The following IMMP2L variants were observed in gnomAD, a reference collection of about 807,000 sequenced individuals.
IMMP2L encodes inner mitochondrial membrane peptidase subunit 2, also known as mitochondrial inner membrane protease subunit 2.
Under a neutral mutation model 19.3 loss-of-function variants are expected in IMMP2L, and 18 were observed. The ratio of observed to expected loss-of-function variants is 0.93; its 90% CI spans 0.64 to 1.38. The LOEUF is 1.38. Among genes scored for constraint, IMMP2L ranks in the 40% most tolerant of loss-of-function variants. The pLI is 0.00. For missense variants in IMMP2L, 233 were observed against 218.2 expected (o/e 1.07, Z -0.43); for synonymous variants, 76 against 73.0 (o/e 1.04, Z -0.21).
chr7:110,919,723 T>G (rs577019936), intron 4 of IMMP2L, among the ~76,000 whole-genome samples: 2 of 152,208 alleles, frequency 1.3e-5, no homozygotes, highest in South Asian at 2.1e-4. Flanking sequence ...GCTAAGGCAT[T>G]AGGGAAGATA....
At chr7:110,878,574 T>C (rs1420880241) in intron 5 of IMMP2L, among the ~76,000 whole-genome samples, 1 of 152,084 alleles carries the variant, frequency 6.6e-6, no homozygotes, top group Non-Finnish European at 1.5e-5. Flanking sequence ...TTAAATTATC[T>C]ATACTAAATA....
chr7:110,718,810 G>A (rs545976361), intron 5 of IMMP2L, among the ~76,000 whole-genome samples: 2 of 152,164 alleles, frequency 1.3e-5, no homozygotes, highest in Non-Finnish European at 2.9e-5. Flanking sequence ...GGTTGGCTCA[G>A]GTGCTTACCT....
At chr7:111,111,756 GC>G (rs1799233791) in intron 3 of IMMP2L, among the ~76,000 whole-genome samples, 1 of 151,722 alleles carries the variant, frequency 6.6e-6, no homozygotes, top group African/African-American at 2.4e-5. Context: ...TACATAATTA[GC>G]TTCAAGTAAA....
At chr7:111,364,521 G>C (rs1158162026) in intron 3 of IMMP2L, among the ~76,000 whole-genome samples, 2 of 151,558 alleles carry the variant, frequency 1.3e-5, no homozygotes, top group Non-Finnish European at 2.9e-5. Context: ...TATAGTCCCA[G>C]CTACTCGGCA....
intron 3 of IMMP2L, among the ~76,000 whole-genome samples, chr7:111,138,525 T>C (rs1425450757): frequency 2.6e-5 from 4 of 152,218 alleles, no homozygotes; most frequent in African/African-American, 9.6e-5. Context: ...TTGTTTCTTA[T>C]ATAACCGCTT....
intron 5 of IMMP2L, among the ~76,000 whole-genome samples, chr7:110,878,700 A>T (rs1295137343): frequency 7.2e-5 from 11 of 152,078 alleles, no homozygotes; most frequent in African/African-American, 1.2e-4. Context: ...CCAGAAAAAA[A>T]ATGTAAAAAT....
chr7:111,541,831 G>A (rs1453411591), intron 1 of IMMP2L, among the ~76,000 whole-genome samples: 1 of 151,954 alleles, frequency 6.6e-6, no homozygotes, highest in South Asian at 2.1e-4. Flanking sequence ...CAAAAAAGAC[G>A]AGGCATATCA....
chr7:111,443,860 T>A (rs1261130759), intron 3 of IMMP2L, among the ~76,000 whole-genome samples: 1 of 152,118 alleles, frequency 6.6e-6, no homozygotes, highest in Non-Finnish European at 1.5e-5. Flanking sequence ...AAGAAGGAAT[T>A]TGATTTTTTA....
At chr7:111,542,174 C>T (rs557446798) in intron 1 of IMMP2L, among the ~76,000 whole-genome samples, 2 of 151,924 alleles carry the variant, frequency 1.3e-5, no homozygotes, top group South Asian at 4.2e-4. Flanking sequence ...ATTAGCCATT[C>T]ACAAAAATCA....
chr7:111,136,808 C>T (rs558157861), intron 3 of IMMP2L, among the ~76,000 whole-genome samples: 28 of 152,298 alleles, frequency 1.8e-4, no homozygotes, highest in African/African-American at 6.5e-4. Flanking sequence ...TAAGCATGAA[C>T]AGACATATAA....
intron 3 of IMMP2L, among the ~76,000 whole-genome samples, chr7:111,332,553 G>A (rs1185694548): frequency 6.6e-6 from 1 of 151,858 alleles, no homozygotes; most frequent in African/African-American, 2.4e-5. Flanking sequence ...AGAGATGCCA[G>A]AAGTCCCAAA....
chr7:110,871,103 G>A (rs964245777), intron 5 of IMMP2L, among the ~76,000 whole-genome samples: 3 of 152,058 alleles, frequency 2.0e-5, no homozygotes, highest in Non-Finnish European at 4.4e-5. Flanking sequence ...GAGACCCCAA[G>A]GATGCCGCCT....
Position 110,719,440 on chromosome 7 carries a change from AT to A in IMMP2L, c.409-55720del, listed in dbSNP as rs966294480. ...AGGGTACCATAGAAAATTGATCAGG[AT>A]TTTTTTTTAACAGGTAATTAAAAAG... On this transcript the variant is annotated intron_variant, in intron 5 of 5. Transcript: ENST00000405709. Among the ~76,000 whole-genome samples the A allele has an allele frequency of 5.9e-5, 9 of 151,748 alleles. No individual in the cohort carries two copies. The South Asian group carries it at 8.3e-4, about 14-fold the overall frequency.
intron 5 of IMMP2L, among the ~76,000 whole-genome samples, chr7:110,665,201 G>A (rs1440789977): frequency 1.3e-5 from 2 of 152,080 alleles, no homozygotes; most frequent in Non-Finnish European, 2.9e-5. Flanking sequence ...ATTTGAAAGT[G>A]TGGTACAAAA....
intron 5 of IMMP2L, among the ~76,000 whole-genome samples, chr7:110,872,455 T>C (rs1374885126): frequency 6.6e-6 from 1 of 152,158 alleles, no homozygotes; most frequent in Non-Finnish European, 1.5e-5. Flanking sequence ...GACATTGTTG[T>C]CTATTCTTTT....
intron 3 of IMMP2L, among the ~76,000 whole-genome samples, chr7:111,131,309 T>G (rs1463619249): frequency 1.3e-5 from 2 of 152,002 alleles, no homozygotes; most frequent in African/African-American, 4.8e-5. Context: ...TGTGCCACAG[T>G]CCAGGCTCAG....
rs1239000005 is a variant in IMMP2L, at chr7:110,727,577, A to G, written c.409-63856T>C. 6.6e-6 allele frequency among the ~76,000 whole-genome samples: 1 copy of G among 152,220 alleles called. No homozygotes were observed. Among genetic ancestry groups the G allele is most frequent in the Non-Finnish European group, 1.5e-5 (1 of 68,042 alleles). ...TGTTAGCAAATTGAAGGTAGAGGAGAAGACAAGGTAGGGAAAGAGAGAGGA... is the reference window on the plus strand; with the variant it reads ...TGTTAGCAAATTGAAGGTAGAGGAGGAGACAAGGTAGGGAAAGAGAGAGGA... On this transcript the variant is annotated intron_variant, in intron 5 of 5. Coordinates refer to ENST00000405709, the MANE Select transcript of IMMP2L (RefSeq NM_032549.4). This position sits in a 1 kb window ranked among gnomAD's most constrained non-coding sequence, Gnocchi z 4.3.
At chr7:111,495,096 C>A (rs536415253) in intron 2 of IMMP2L, among the ~76,000 whole-genome samples, 1 of 151,974 alleles carries the variant, frequency 6.6e-6, no homozygotes, top group Non-Finnish European at 1.5e-5. Context: ...GAATTTTACA[C>A]CCGTTATGTT....
At chr7:110,972,581 G>C (rs895825918) in intron 3 of IMMP2L, among the ~76,000 whole-genome samples, 2 of 152,070 alleles carry the variant, frequency 1.3e-5, no homozygotes, top group Non-Finnish European at 2.9e-5. Flanking sequence ...ATGGAGGTAA[G>C]TTAAGAATGG....
Sources: allele counts gnomAD v4.1 joint callset (sites outside exome capture counted in the v4.1 genomes callset), GRCh38; gene constraint gnomAD v4.1.1; non-coding constraint Gnocchi (gnomAD v3.1); transcripts MANE v1.5; gene names NCBI Gene and HGNC (gene_info 2026-07-23, HGNC 2026-07-21).